The following AFDN variants were observed in gnomAD, a reference collection of about 807,000 sequenced individuals.
The protein encoded by AFDN is afadin, adherens junction formation factor.
Under a neutral mutation model 216.6 loss-of-function variants are expected in AFDN, and 68 were observed. The observed-to-expected ratio is 0.31, with a 90% CI of 0.26 to 0.38. The LOEUF is 0.38. Ranked by LOEUF, AFDN falls within the 10% of genes least tolerant of loss-of-function variation. The probability of loss-of-function intolerance (pLI) is 1.00; values close to 1 mark genes in which losing one functional copy is unlikely to be tolerated. For missense variants in AFDN, 2,136 were observed against 2,342.0 expected, an observed-to-expected ratio of 0.91 and a Z score of 1.82; for synonymous variants, 868 against 853.7, an observed-to-expected ratio of 1.02 and a Z score of -0.29.
intron 31 of AFDN, chr6:167,964,637 T>C (rs1035719306): frequency 1.9e-5 from 20 of 1,063,592 alleles, no homozygotes; most frequent in Non-Finnish European, 2.3e-5. Flanking sequence ...TGTGTGTGTG[T>C]GTGTGTGTGT....
At chr6:167,966,752 G>A (rs561258318) in intron 32 of AFDN, among the ~76,000 whole-genome samples, 4 of 152,302 alleles carry the variant, frequency 2.6e-5, no homozygotes, top group South Asian at 2.1e-4. Flanking sequence ...TAGATCACGC[G>A]CTCTCATGGT....
intron 23 of AFDN, among the ~76,000 whole-genome samples, chr6:167,933,588 C>T (rs1793603769): frequency 6.6e-6 from 1 of 152,202 alleles, no homozygotes; most frequent in African/African-American, 2.4e-5. Flanking sequence ...CACGGAGATG[C>T]CAGAAACATC....
chr6:167,891,690 A>G (rs150295891), intron 8 of AFDN, among the ~76,000 whole-genome samples: 1 of 152,292 alleles, frequency 6.6e-6, no homozygotes, highest in African/African-American at 2.4e-5. Flanking sequence ...TTTTACACAC[A>G]CATTCCTAGG....
At chr6:167,850,953 A>G (rs759596368) in intron 1 of AFDN, among the ~76,000 whole-genome samples, 5 of 152,008 alleles carry the variant, frequency 3.3e-5, no homozygotes, top group East Asian at 1.9e-4. Flanking sequence ...GCTCATTGCA[A>G]CCTCTGCCTC....
intron 31 of AFDN, chr6:167,964,428 A>T: frequency 9.4e-7 from 1 of 1,065,310 alleles, no homozygotes; most frequent in Non-Finnish European, 1.1e-6. Flanking sequence ...ATTCTGGTTT[A>T]TTCCTCACTC....
chr6:167,920,878 C>T (rs1265210930), intron 21 of AFDN, among the ~76,000 whole-genome samples: 1 of 152,190 alleles, frequency 6.6e-6, no homozygotes, highest in African/African-American at 2.4e-5. Flanking sequence ...TGTCTTCCTA[C>T]TTAACATGTC....
intron 23 of AFDN, among the ~76,000 whole-genome samples, chr6:167,938,538 G>A (rs1794298435): frequency 6.6e-6 from 1 of 152,198 alleles, no homozygotes; most frequent in Admixed American, 6.5e-5. Context: ...AGGGAGTGCA[G>A]TCAAAATATC....
chr6:167,827,213 G>A lies in AFDN; in HGVS notation c.81G>A (p.Leu27=). ...IHHWNANRLD[L]FEISQPTEDL... is the part of the protein sequence containing the mutation. ...ACTGGAACGCCAACCGGCTGGACCT[G>A]TTCGAGATCAGCCAGCCGACCGAGG... Residue 27 remains leucine (L), a synonymous_variant, in exon 1 of 34, where the codon CTG becomes CTA. Coordinates refer to ENST00000683244, the MANE Select transcript of AFDN (RefSeq NM_001386888.1). 1 of 1,252,558 alleles carries A rather than the reference G, an allele frequency of 8.0e-7. No homozygotes were observed. Among genetic ancestry groups the A allele is most frequent in the Non-Finnish European group, 1.0e-6 (1 of 966,268 alleles). The allele number at this position is 1,252,558 out of a possible 1,614,324, so 77.6% of individuals were successfully genotyped here. A position where few individuals can be genotyped will look rare whatever the true frequency, so the allele number is the denominator to read the frequency against.
rs1002400425 is a variant in AFDN at position 167,966,067 on chromosome 6, C to G, written c.5257+22C>G. ...GCAGGTCAGGATAAGTACTCCAGCA[C>G]AAGAAAGTCTCATGGGGACCTTCTT... On this transcript the variant is annotated intron_variant, in intron 32 of 33. Coordinates refer to ENST00000683244, the MANE Select transcript of AFDN (RefSeq NM_001386888.1). The G allele has an allele frequency of 2.3e-5, 35 of 1,540,190 alleles. No individual in the cohort carries two copies. In the African/African-American group the frequency reaches 4.7e-4, roughly 20 times the overall value.
At chr6:167,939,209 T>C (rs1440214498) in intron 23 of AFDN, among the ~76,000 whole-genome samples, 1 of 152,230 alleles carries the variant, frequency 6.6e-6, no homozygotes, top group Non-Finnish European at 1.5e-5. Context: ...TCAGAGATGA[T>C]AATAATTGGT....
At chr6:167,826,730 C>T (rs1037888358), upstream of AFDN, 4 of 395,580 alleles carry the variant, frequency 1.0e-5, no homozygotes, top group South Asian at 1.9e-5. Context: ...GGAACCCTAG[C>T]ACCGCGCGGG....
chr6:167,927,642 C>A (rs1434355661), intron 23 of AFDN, among the ~76,000 whole-genome samples: 1 of 152,070 alleles, frequency 6.6e-6, no homozygotes, highest in East Asian at 1.9e-4. Context: ...GAAGGTGATG[C>A]GTGGGGCATA....
intron 2 of AFDN, among the ~76,000 whole-genome samples, chr6:167,868,557 G>A (rs919939238): frequency 1.3e-5 from 2 of 152,096 alleles, no homozygotes; most frequent in South Asian, 2.1e-4. Context: ...ATTATGAAGA[G>A]CACTTTGAGT....
intron 19 of AFDN, among the ~76,000 whole-genome samples, chr6:167,916,410 T>C (rs1231589443): frequency 6.6e-6 from 1 of 152,212 alleles, no homozygotes; most frequent in Non-Finnish European, 1.5e-5. Context: ...ACCAGTGGAC[T>C]GTAAATATCC....
rs1788537947 is a variant in AFDN at position 167,898,344 on chromosome 6, G to A, written c.1457G>A (p.Gly486Asp). ...RISETTMLQS[G>D]MKVQFGASHV... ...TCAGAAACCACCATGCTGCAGAGTG[G>A]CATGAAAGTGCAGTTTGGGGCGTCC... The change falls in exon 11 of 34, where the codon GGC (glycine) becomes GAC (aspartate). Residue 486 changes from glycine (G) to aspartate (D), a missense_variant. By Grantham distance (94) the Gly-to-Asp change is moderately conservative. Transcript: ENST00000683244. 1.2e-6 allele frequency: 2 copies of A among 1,614,124 alleles called. No homozygotes were observed. The highest frequency in any genetic ancestry group is 1.7e-6 in the Non-Finnish European group (2 of 1,180,024).
intron 12 of AFDN, among the ~76,000 whole-genome samples, chr6:167,905,029 C>G (rs1789487865): frequency 6.6e-6 from 1 of 152,176 alleles, no homozygotes; most frequent in South Asian, 2.1e-4. Flanking sequence ...CCGTGCCTGC[C>G]TCTTTCCTCC....
chr6:167,912,864 A>G (rs1056542826), intron 15 of AFDN, among the ~76,000 whole-genome samples: 4 of 152,162 alleles, frequency 2.6e-5, no homozygotes, highest in South Asian at 4.1e-4. Flanking sequence ...TTTAAATTCT[A>G]TTTTCAAAAA....
chr6:167,915,553 T>C, intron 19 of AFDN, 120 bp downstream of exon 19: 4 of 1,204,558 alleles, frequency 3.3e-6, no homozygotes, highest in Non-Finnish European at 3.4e-6. Context: ...GTTTTTCGTA[T>C]GTACAAATAA....
At chr6:167,902,591 T>G (rs1428467889) in intron 12 of AFDN, among the ~76,000 whole-genome samples, 1 of 152,162 alleles carries the variant, frequency 6.6e-6, no homozygotes, top group African/African-American at 2.4e-5. Context: ...AAAGTTTAAT[T>G]TATAAAATAA....
Sources: allele counts gnomAD v4.1 joint callset (sites outside exome capture counted in the v4.1 genomes callset), GRCh38; gene constraint gnomAD v4.1.1; transcripts MANE v1.5; gene names NCBI Gene and HGNC (gene_info 2026-07-23, HGNC 2026-07-21).